LRP1B: variants seen among roughly 807,000 people sequenced by gnomAD.
LRP1B encodes LDL receptor related protein 1B.
A neutral mutation model predicts 556.6 loss-of-function variants in LRP1B; 217 were observed. The ratio of observed to expected loss-of-function variants is 0.39; its 90% CI spans 0.35 to 0.44. LRP1B has a LOEUF of 0.44. Among genes scored for constraint, LRP1B ranks in the 20% least tolerant of loss-of-function variants. The probability of loss-of-function intolerance (pLI) is 1.00; values close to 1 mark genes in which losing one functional copy is unlikely to be tolerated. For synonymous variants in LRP1B, 2,047 were observed against 1,865.8 expected (o/e 1.10, Z -2.50); for missense variants, 5,053 against 5,620.8 (o/e 0.90, Z 3.23).
In LRP1B at chr2:140,514,791, GAAAA is replaced by G. The variant is rs199711847; in HGVS notation, c.8150-23_8150-20del. 4.0e-4 allele frequency: 501 copies of G among 1,260,368 alleles called. No individual in the cohort carries two copies. Among genetic ancestry groups the G allele is most frequent in the Admixed American group, 5.9e-4 (28 of 47,724 alleles). 78.1% of individuals were successfully genotyped at this position (1,260,368 alleles called of 1,614,324 possible). A position where few individuals can be genotyped will look rare whatever the true frequency, so the allele number is the denominator to read the frequency against. On this transcript the variant is annotated intron_variant, in intron 50 of 90. Transcript: ENST00000389484. ...GAAGAATCTAGGAAACAAACAAAAG[GAAAA>G]AAAAAAATAGTTTGAGACCGTCTTA...
intron 11 of LRP1B, among the ~76,000 whole-genome samples, chr2:141,027,342 C>T (rs1424672792): frequency 6.6e-6 from 1 of 152,078 alleles, no homozygotes; most frequent in African/African-American, 2.4e-5. Flanking sequence ...CAGTTCTCTC[C>T]ATATTAGGAT....
At chr2:141,509,400 G>A (rs1185426798) in intron 2 of LRP1B, among the ~76,000 whole-genome samples, 1 of 152,192 alleles carries the variant, frequency 6.6e-6, no homozygotes, top group East Asian at 1.9e-4. Context: ...CATTTGGCCA[G>A]CAACACGGAA....
rs550408022 is a variant in LRP1B, at chr2:141,106,184, T to A, written c.1014-43911A>T. Among the ~76,000 whole-genome samples the A allele has an allele frequency of 9.8e-5, 15 of 152,310 alleles. No homozygotes were observed. The East Asian group carries it at 2.9e-3, about 29-fold the overall frequency. On this transcript the variant is annotated intron_variant, in intron 7 of 90. Transcript: ENST00000389484. Reference sequence around the variant, plus strand: ...TAAAGCTGACAAAAATCCAAGGCCTTATCTTCTAACCAATTTTTCTGAAAT... The same window carrying A: ...TAAAGCTGACAAAAATCCAAGGCCTAATCTTCTAACCAATTTTTCTGAAAT...
chr2:141,899,254 C>G lies in LRP1B; in HGVS notation c.83-88853G>C, dbSNP rs534100456. Among the ~76,000 whole-genome samples the G allele has an allele frequency of 2.6e-5, 4 of 152,236 alleles. No individual in the cohort carries two copies. The East Asian group carries it at 5.8e-4, about 22-fold the overall frequency. ...CTGATGGAATCTGCTAGTTAAATCA[C>G]AGCTCTAATGAAGATTTAGTTCCCA... On this transcript the variant is annotated intron_variant, in intron 1 of 90. Coordinates refer to ENST00000389484, the MANE Select transcript of LRP1B (RefSeq NM_018557.3).
At chr2:141,991,515 G>A (rs1475493488) in intron 1 of LRP1B, among the ~76,000 whole-genome samples, 2 of 151,674 alleles carry the variant, frequency 1.3e-5, no homozygotes, top group Non-Finnish European at 1.5e-5. Context: ...AACCTCATAC[G>A]CACACACACA....
At chr2:141,523,707 T>A (rs1174534780) in intron 2 of LRP1B, among the ~76,000 whole-genome samples, 1 of 152,116 alleles carries the variant, frequency 6.6e-6, no homozygotes, top group Non-Finnish European at 1.5e-5. Flanking sequence ...CTCTAAATAA[T>A]CATCCAGAGC....
intron 2 of LRP1B, among the ~76,000 whole-genome samples, chr2:141,623,508 C>T (rs1688579575): frequency 6.6e-6 from 1 of 152,096 alleles, no homozygotes; most frequent in African/African-American, 2.4e-5. Context: ...TTCTTGATAG[C>T]AATCCCCACT....
At chr2:141,808,841 C>T (rs183711353) in intron 2 of LRP1B, among the ~76,000 whole-genome samples, 29 of 152,164 alleles carry the variant, frequency 1.9e-4, no homozygotes, top group Admixed American at 1.8e-3. Context: ...TGAAGGGAAT[C>T]GTAAAACATG....
chr2:141,046,778 G>A (rs1458090275), intron 11 of LRP1B, among the ~76,000 whole-genome samples: 1 of 152,010 alleles, frequency 6.6e-6, no homozygotes, highest in Admixed American at 6.6e-5. Context: ...GTTGCATTTT[G>A]GTCCTTGAAA....
intron 2 of LRP1B, among the ~76,000 whole-genome samples, chr2:141,779,667 A>G (rs1405491173): frequency 1.3e-5 from 2 of 152,080 alleles, no homozygotes; most frequent in South Asian, 2.1e-4. Flanking sequence ...CCAATACTAC[A>G]TACTTTTCAT....
chr2:141,699,194 C>T (rs1558812515), intron 2 of LRP1B, among the ~76,000 whole-genome samples: 1 of 151,712 alleles, frequency 6.6e-6, no homozygotes. Context: ...ATCTGGGGAG[C>T]TTGAAAAAAT....
intron 2 of LRP1B, among the ~76,000 whole-genome samples, chr2:141,803,902 C>A (rs1445756477): frequency 2.0e-5 from 3 of 152,088 alleles, no homozygotes; most frequent in Non-Finnish European, 4.4e-5. Flanking sequence ...AATCCTACTA[C>A]CTAAATAAAG....
At chr2:140,236,838 C>T (rs1680725964) in intron 89 of LRP1B, among the ~76,000 whole-genome samples, 1 of 150,896 alleles carries the variant, frequency 6.6e-6, no homozygotes, top group African/African-American at 2.4e-5. Context: ...AAGATTTTTA[C>T]ACTAAGCTGT....
At chr2:141,201,900 C>T (rs1238779366) in intron 6 of LRP1B, among the ~76,000 whole-genome samples, 1 of 152,150 alleles carries the variant, frequency 6.6e-6, no homozygotes, top group East Asian at 1.9e-4. Context: ...AACCCAGTGA[C>T]CAAATATTTG....
chr2:141,291,200 A>T (rs1685933492), intron 3 of LRP1B, among the ~76,000 whole-genome samples: 1 of 152,138 alleles, frequency 6.6e-6, no homozygotes, highest in South Asian at 2.1e-4. Context: ...ATATTTCAGG[A>T]TTAATTTTAT....
At chr2:140,383,350 T>G (rs978003243) in intron 67 of LRP1B, among the ~76,000 whole-genome samples, 3 of 151,832 alleles carry the variant, frequency 2.0e-5, no homozygotes, top group African/African-American at 4.8e-5. Flanking sequence ...AGATAACAAT[T>G]GCAAATATCT....
At chr2:141,790,856 T>C (rs1695587837) in intron 2 of LRP1B, among the ~76,000 whole-genome samples, 1 of 151,948 alleles carries the variant, frequency 6.6e-6, no homozygotes, top group East Asian at 1.9e-4. Context: ...ACAAAGCATT[T>C]CATATTTTTT....
intron 86 of LRP1B, among the ~76,000 whole-genome samples, chr2:140,256,492 CAG>C (rs1188357777): frequency 2.1e-5 from 1 of 46,574 alleles, no homozygotes; most frequent in East Asian, 7.4e-4. Flanking sequence ...TTTTTTAAGA[CAG>C]AGTCTTGCTT....
chr2:140,322,558 A>ACGTAGCT (rs1558800042), intron 81 of LRP1B, among the ~76,000 whole-genome samples: 1 of 128,844 alleles, frequency 7.8e-6, no homozygotes. Flanking sequence ...GAAAATGCAT[A>ACGTAGCT]TGTAGCTTGT....
Sources: allele counts gnomAD v4.1 joint callset (sites outside exome capture counted in the v4.1 genomes callset), GRCh38; gene constraint gnomAD v4.1.1; transcripts MANE v1.5; gene names NCBI Gene and HGNC (gene_info 2026-07-23, HGNC 2026-07-21).